FAM114A1: variants seen among roughly 807,000 people sequenced by gnomAD.
FAM114A1 encodes family with sequence similarity 114 member A1.
FAM114A1 carries 62 observed loss-of-function variants against 64.3 expected under a neutral mutation model. That is an observed-to-expected ratio of 0.96 (90% CI 0.79 to 1.19). The LOEUF (loss-of-function observed/expected upper bound fraction) is 1.19. FAM114A1 is among the 50% of genes most tolerant of loss of function. The probability of loss-of-function intolerance (pLI) is 0.00; values close to 1 mark genes in which losing one functional copy is unlikely to be tolerated. For synonymous variants in FAM114A1, 254 were observed against 251.1 expected, an observed-to-expected ratio of 1.01 and a Z score of -0.11; for missense variants, 645 against 676.3, an observed-to-expected ratio of 0.95 and a Z score of 0.51.
At position 38,878,423 on chromosome 4, in the gene FAM114A1, T is replaced by C; in HGVS notation, c.345T>C (p.Tyr115=). The C allele has an allele frequency of 1.3e-6, 2 of 1,585,010 alleles. No homozygotes were observed. Among genetic ancestry groups the C allele is most frequent in the South Asian group, 1.2e-5 (1 of 85,932 alleles). ...RSEIPLQEQN[Y]LAVDSPPSGG... The stretch of plus-strand genomic sequence containing the variant: ...AAATACCCCTGCAAGAACAGAATTA[T>C]CTGGTAAGAATGGGTCATTCAATTC... The change falls in exon 3 of 15, where the codon TAT becomes TAC. Residue 115 remains tyrosine, a synonymous_variant. Coordinates refer to ENST00000358869, the MANE Select transcript of FAM114A1 (RefSeq NM_138389.4).
At chr4:38,927,653 C>T (rs1007159471) in intron 9 of FAM114A1, among the ~76,000 whole-genome samples, 4 of 152,126 alleles carry the variant, frequency 2.6e-5, no homozygotes, top group African/African-American at 4.8e-5. Context: ...TATCCCTTGA[C>T]GTTGATGTTA....
At chr4:38,929,750 C>A (rs1462752929) in intron 10 of FAM114A1, among the ~76,000 whole-genome samples, 1 of 152,132 alleles carries the variant, frequency 6.6e-6, no homozygotes, top group East Asian at 1.9e-4. Context: ...GCACTCCAGC[C>A]TAGGTGACAG....
chr4:38,883,235 T>C (rs1254412473), intron 3 of FAM114A1, among the ~76,000 whole-genome samples: 1 of 152,172 alleles, frequency 6.6e-6, no homozygotes, highest in African/African-American at 2.4e-5. Flanking sequence ...GAGCAATGAT[T>C]ACATGTCCTC....
At chr4:38,889,275 A>G (rs1716099175) in intron 3 of FAM114A1, among the ~76,000 whole-genome samples, 1 of 152,226 alleles carries the variant, frequency 6.6e-6, no homozygotes, top group Non-Finnish European at 1.5e-5. Context: ...TAAAATTGCT[A>G]CTGGATTCCA....
chr4:38,912,007 T>C (rs562238817), intron 7 of FAM114A1, among the ~76,000 whole-genome samples: 4 of 151,700 alleles, frequency 2.6e-5, no homozygotes, highest in South Asian at 4.2e-4. Flanking sequence ...GATTACAGTG[T>C]GCACCACCAC....
At chr4:38,884,497 G>C (rs932574474) in intron 3 of FAM114A1, among the ~76,000 whole-genome samples, 1 of 152,200 alleles carries the variant, frequency 6.6e-6, no homozygotes, top group African/African-American at 2.4e-5. Flanking sequence ...CTGTCTCTAA[G>C]CCAGTTTGGT....
chr4:38,913,951 T>A (rs1411604184), intron 7 of FAM114A1, among the ~76,000 whole-genome samples: 1 of 151,346 alleles, frequency 6.6e-6, no homozygotes, highest in Non-Finnish European at 1.5e-5. Flanking sequence ...TACAAAAAAA[T>A]TAGCTGGCTG....
intron 3 of FAM114A1, among the ~76,000 whole-genome samples, chr4:38,882,629 CA>C (rs1486491416): frequency 1.4e-5 from 2 of 146,136 alleles, no homozygotes; most frequent in African/African-American, 5.0e-5. Flanking sequence ...AACTCCATCT[CA>C]AAAAAAAAAG....
intron 13 of FAM114A1, 42 bp from the exon 14 acceptor site, chr4:38,940,926 A>G: frequency 6.2e-7 from 1 of 1,605,156 alleles, no homozygotes; most frequent in Non-Finnish European, 8.5e-7. Flanking sequence ...GCCTTGTAGT[A>G]TGAGCACCTA....
At chr4:38,901,325 G>T (rs1013434039) in intron 4 of FAM114A1, among the ~76,000 whole-genome samples, 18 of 42,486 alleles carry the variant, frequency 4.2e-4, no homozygotes, top group Non-Finnish European at 3.5e-4. Context: ...TGGCTCTGTC[G>T]TCACCCAGGC....
chr4:38,925,634 A>G (rs1720032894), intron 9 of FAM114A1, among the ~76,000 whole-genome samples: 1 of 152,218 alleles, frequency 6.6e-6, no homozygotes, highest in African/African-American at 2.4e-5. Flanking sequence ...TAATAATGTT[A>G]GCTAATGATT....
chr4:38,870,430 C>G (rs1713932634), intron 2 of FAM114A1, among the ~76,000 whole-genome samples: 1 of 152,202 alleles, frequency 6.6e-6, no homozygotes, highest in African/African-American at 2.4e-5. Flanking sequence ...TGATTGATTT[C>G]TGAAGGATAG....
In FAM114A1 at chr4:38,940,668, C is replaced by T. The variant is rs118073542; in HGVS notation, c.1537-300C>T. Reference sequence around the variant, plus strand: ...AAAATTTACATAGTGAAAAAGGTCTCGGTTTCAATTTCTAGCTATGTGACC... The same window carrying T: ...AAAATTTACATAGTGAAAAAGGTCTTGGTTTCAATTTCTAGCTATGTGACC... On this transcript the variant is annotated intron_variant, in intron 13 of 14. Transcript: ENST00000358869. Among the ~76,000 whole-genome samples, 66 of 152,296 alleles carry T rather than the reference C, an allele frequency of 4.3e-4. No homozygotes were observed. In the East Asian group the frequency reaches 0.011, roughly 26 times the overall value.
chr4:38,904,930 G>T (rs979814775), intron 4 of FAM114A1, among the ~76,000 whole-genome samples: 1 of 152,200 alleles, frequency 6.6e-6, no homozygotes, highest in African/African-American at 2.4e-5. Context: ...GCATCCGGGA[G>T]CACTTTACCT....
intron 13 of FAM114A1, among the ~76,000 whole-genome samples, chr4:38,936,153 C>T (rs185521290): frequency 0.02 from 3,036 of 150,182 alleles, 101 homozygotes; most frequent in African/African-American, 0.063. Context: ...GGTGCAGTGG[C>T]GCGATCTCGG....
chr4:38,878,604 A>G (rs1053223267), intron 3 of FAM114A1, among the ~76,000 whole-genome samples, 178 bp downstream of exon 3: 1 of 152,168 alleles, frequency 6.6e-6, no homozygotes, highest in African/African-American at 2.4e-5. Flanking sequence ...TTGTCATAAT[A>G]TTTGCATTTT....
intron 14 of FAM114A1, among the ~76,000 whole-genome samples, chr4:38,942,501 A>C (rs921765740): frequency 2.6e-5 from 4 of 152,170 alleles, no homozygotes; most frequent in African/African-American, 9.7e-5. Flanking sequence ...GCATAAAATT[A>C]ACTTACCATG....
chr4:38,942,566 T>C (rs1160896428), intron 14 of FAM114A1, among the ~76,000 whole-genome samples: 1 of 152,210 alleles, frequency 6.6e-6, no homozygotes, highest in Non-Finnish European at 1.5e-5. Context: ...AATAGATGTT[T>C]TCACATGTTT....
Position 38,923,284 on chromosome 4 carries a change from C to T in FAM114A1, c.1069+391C>T, listed in dbSNP as rs373944465. ...CTGTTGCCAGGCTGGAGTGCAGTGG[C>T]GTGATATCGGCTCACTGCAACCTCC... On this transcript the variant is annotated intron_variant, in intron 9 of 14. Coordinates refer to ENST00000358869, the MANE Select transcript of FAM114A1 (RefSeq NM_138389.4). Among the ~76,000 whole-genome samples the T allele has an allele frequency of 1.9e-3, 267 of 138,538 alleles. 1 individual carries two copies. Among genetic ancestry groups the T allele is most frequent in the African/African-American group, 6.9e-3 (245 of 35,654 alleles). 90.9% of individuals were successfully genotyped at this position (138,538 alleles called of 152,430 possible). A position where few individuals can be genotyped will look rare whatever the true frequency, so the allele number is the denominator to read the frequency against.
Sources: allele counts gnomAD v4.1 joint callset (sites outside exome capture counted in the v4.1 genomes callset), GRCh38; gene constraint gnomAD v4.1.1; transcripts MANE v1.5; gene names NCBI Gene and HGNC (gene_info 2026-07-23, HGNC 2026-07-21).